Variants in KLRK1 observed in about 807,000 individuals in gnomAD.
KLRK1 encodes the protein NKG2-D type II integral membrane protein.
KLRK1 carries 40 observed loss-of-function variants against 31.3 expected under a neutral mutation model. The ratio of observed to expected loss-of-function variants is 1.28; its 90% CI spans 0.99 to 1.67. The LOEUF is 1.67. KLRK1 is among the 40% of genes most tolerant of loss of function. KLRK1 has a pLI of 0.00. For missense variants in KLRK1, 251 were observed against 260.0 expected (o/e 0.97, Z 0.24); for synonymous variants, 77 against 77.3 (o/e 1.00, Z 0.02).
In KLRK1 at chr12:10,380,734, C is replaced by T. The variant is rs557542070; in HGVS notation, c.149-942G>A. Among the ~76,000 whole-genome samples the T allele has an allele frequency of 1.9e-4, 29 of 152,290 alleles. No individual in the cohort carries two copies. The South Asian group carries it at 2.9e-3, about 15-fold the overall frequency. ...GTATAGGAGAGCTCCACATTCCTCACGATCCCTGAGTCCAGTATAGGGAGT... is the reference window on the plus strand; with the variant it reads ...GTATAGGAGAGCTCCACATTCCTCATGATCCCTGAGTCCAGTATAGGGAGT... On this transcript the variant is annotated intron_variant, in intron 3 of 7. Coordinates refer to ENST00000240618, the MANE Select transcript of KLRK1 (RefSeq NM_007360.4).
intron 5 of KLRK1, 67 bp from the exon 6 acceptor site, chr12:10,378,772 A>G: frequency 6.7e-7 from 1 of 1,496,040 alleles, no homozygotes; most frequent in South Asian, 1.4e-5. Context: ...TGTCTAGACA[A>G]ATTAAATGCC....
intron 7 of KLRK1, among the ~76,000 whole-genome samples, chr12:10,375,102 CTGGGG>C (rs1364825981): frequency 6.6e-6 from 1 of 152,058 alleles, no homozygotes; most frequent in Admixed American, 6.5e-5. Context: ...CTAAGGTATA[CTGGGG>C]CTTCCAAATT....
In KLRK1 at chr12:10,379,791, T is replaced by C; in HGVS notation, c.150A>G (p.Ala50=). 1 of 1,610,252 alleles carries C rather than the reference T, an allele frequency of 6.2e-7. No homozygotes were observed. The highest frequency in any genetic ancestry group is 8.5e-7 in the Non-Finnish European group (1 of 1,178,354). Residue 50 remains alanine (A), a splice_region_variant and synonymous_variant, in exon 4 of 8, where the codon GCA becomes GCG. Transcript: ENST00000240618. ...TGAAGCAGCAGAAAAAAAATGGAGA[T>C]GCTGTCAAAGAAAAAAGACACAGAT... The part of the protein sequence containing the change: ...PVVKSKCREN[A]SPFFFCCFIA...
Position 10,373,026 on chromosome 12 carries a change from G to C in KLRK1, c.*88C>G. On this transcript the variant is annotated 3_prime_UTR_variant, in exon 8 of 8. Transcript: ENST00000240618. The stretch of plus-strand genomic sequence containing the variant: ...TCTTTGGTCATTTTGTCCTGTTTTT[G>C]TTTGTTTCCTTTAGTCTCAGTTGGC... The C allele has an allele frequency of 8.4e-7, 1 of 1,192,644 alleles. No homozygotes were observed. The highest frequency in any genetic ancestry group is 1.2e-6 in the Non-Finnish European group (1 of 824,744). 73.9% of individuals were successfully genotyped at this position (1,192,644 alleles called of 1,614,324 possible). A position where few individuals can be genotyped will look rare whatever the true frequency, so the allele number is the denominator to read the frequency against.
rs748107127 is a variant in KLRK1, at chr12:10,378,207, T to C, written c.458A>G (p.His153Arg). Residue 153 changes from histidine to arginine, a missense_variant, in exon 7 of 8, where the codon CAT becomes CGT. His to Arg is a conservative substitution (Grantham distance 29). Transcript: ENST00000240618. Reference protein sequence around the residue: ...QDLLKLVKSYHWMGLVHIPTN... With the variant: ...QDLLKLVKSYRWMGLVHIPTN... ...TGGAATGTGTACTAGTCCCATCCAA[T>C]GATATGACTTCACCAGTTTAAGTAA... 6 of 1,613,822 alleles carry C rather than the reference T, an allele frequency of 3.7e-6. No individual in the cohort carries two copies. In the South Asian group the frequency reaches 6.6e-5, roughly 18 times the overall value.
In KLRK1 at chr12:10,373,131, T is replaced by A; in HGVS notation, c.634A>T (p.Met212Leu). The stretch of plus-strand genomic sequence containing the variant: ...GATCATCTTTACACAGTCCTTTGCA[T>A]GCAGATGTACGTATTTGGAGTTGAA... ...NCSTPNTYICMQRTV is the reference protein window; with the variant it reads ...NCSTPNTYICLQRTV The change falls in exon 8 of 8, where the codon ATG (methionine) becomes TTG (leucine). Residue 212 changes from methionine to leucine, a missense_variant. Coordinates refer to ENST00000240618, the MANE Select transcript of KLRK1 (RefSeq NM_007360.4). The A allele has an allele frequency of 6.2e-7, 1 of 1,612,700 alleles. No individual in the cohort carries two copies. Among genetic ancestry groups the A allele is most frequent in the Non-Finnish European group, 8.5e-7 (1 of 1,179,474 alleles).
rs1862896101 is a variant in KLRK1, at chr12:10,373,223, AT to A, written c.541del (p.Ile181Ter). 2 of 1,594,390 alleles carry A rather than the reference AT, an allele frequency of 1.3e-6. No individual in the cohort carries two copies. The highest frequency in any genetic ancestry group is 1.7e-6 in the Non-Finnish European group (2 of 1,174,748). On this transcript the variant is annotated frameshift_variant, in exon 8 of 8. Coordinates refer to ENST00000240618, the MANE Select transcript of KLRK1 (RefSeq NM_007360.4). LOFTEE classifies it high-confidence loss of function. ...GSILSPNLLT[I>X]IEMQKGDCAL... ...ACAGTCTCCCTTCTGCATTTCAATT[AT>A]TGTTAGTCTAGAGGAGAGACAATTA...
intron 7 of KLRK1, chr12:10,373,897 AT>A (rs1175348785): frequency 7.9e-5 from 12 of 152,388 alleles, no homozygotes; most frequent in African/African-American, 2.4e-4. Context: ...TGACAAAAAA[AT>A]AAAAAGATTA....
chr12:10,381,415 G>C (rs1015514813), intron 3 of KLRK1, among the ~76,000 whole-genome samples: 11 of 152,126 alleles, frequency 7.2e-5, no homozygotes, highest in African/African-American at 2.7e-4. Flanking sequence ...CCTATATCTG[G>C]AAGCAAAAGG....
intron 7 of KLRK1, among the ~76,000 whole-genome samples, chr12:10,375,628 AC>A (rs1480984016): frequency 2.0e-5 from 3 of 152,196 alleles, no homozygotes; most frequent in African/African-American, 7.2e-5. Context: ...AATCTAGAGG[AC>A]TTCTGCAATA....
At chr12:10,380,064 T>G (rs1348795313) in intron 3 of KLRK1, among the ~76,000 whole-genome samples, 9 of 133,136 alleles carry the variant, frequency 6.8e-5, no homozygotes, top group African/African-American at 1.9e-4. Flanking sequence ...TTATTGTTTT[T>G]TTTTTTTTTT....
At chr12:10,374,046 C>T (rs1200630694) in intron 7 of KLRK1, 1 of 152,288 alleles carries the variant, frequency 6.6e-6, no homozygotes, top group Non-Finnish European at 1.5e-5. Flanking sequence ...CAGAATCTTG[C>T]TCCGCTGCCA....
chr12:10,376,999 T>C (rs1862980162), intron 7 of KLRK1, among the ~76,000 whole-genome samples: 1 of 152,122 alleles, frequency 6.6e-6, no homozygotes, highest in Non-Finnish European at 1.5e-5. Flanking sequence ...GTATTTTTAG[T>C]AGAGACAGGG....
At position 10,379,790 on chromosome 12, in the gene KLRK1, A is replaced by C. The variant is rs1186779839; in HGVS notation, c.151T>G (p.Ser51Ala). The C allele has an allele frequency of 1.2e-6, 2 of 1,610,654 alleles. No homozygotes were observed. The highest frequency in any genetic ancestry group is 1.7e-6 in the Non-Finnish European group (2 of 1,178,538). Residue 51 changes from serine (S) to alanine (A), a missense_variant and splice_region_variant, in exon 4 of 8, where the codon TCT (serine) becomes GCT (alanine). Transcript: ENST00000240618. ...ATGAAGCAGCAGAAAAAAAATGGAG[A>C]TGCTGTCAAAGAAAAAAGACACAGA... ...VVKSKCRENA[S>A]PFFFCCFIAV...
chr12:10,389,328 G>T (rs1007361817), intron 1 of KLRK1, among the ~76,000 whole-genome samples: 1 of 152,062 alleles, frequency 6.6e-6, no homozygotes, highest in Admixed American at 6.5e-5. Context: ...CTTTTCTAGT[G>T]CATTTTAATC....
At chr12:10,380,793 G>A (rs1483984411) in intron 3 of KLRK1, among the ~76,000 whole-genome samples, 2 of 152,150 alleles carry the variant, frequency 1.3e-5, no homozygotes, top group Non-Finnish European at 2.9e-5. Context: ...TTATTCCAGA[G>A]TGGGAATTCA....
intron 7 of KLRK1, among the ~76,000 whole-genome samples, chr12:10,376,539 A>T (rs1862969849): frequency 1.3e-5 from 2 of 152,170 alleles, no homozygotes; most frequent in African/African-American, 4.8e-5. Flanking sequence ...AAATCATCTC[A>T]CATATTAATA....
intron 3 of KLRK1, among the ~76,000 whole-genome samples, chr12:10,381,228 A>G (rs1345735154): frequency 6.7e-6 from 1 of 150,092 alleles, no homozygotes; most frequent in African/African-American, 2.5e-5. Context: ...CAGGCCAGAA[A>G]AGCATGGGAT....
chr12:10,388,161 C>T (rs1428234282), intron 2 of KLRK1, among the ~76,000 whole-genome samples: 2 of 151,820 alleles, frequency 1.3e-5, no homozygotes, highest in Non-Finnish European at 2.9e-5. Flanking sequence ...ACATTGATTG[C>T]GCATGTAATA....
Sources: allele counts gnomAD v4.1 joint callset (sites outside exome capture counted in the v4.1 genomes callset), GRCh38; gene constraint gnomAD v4.1.1; transcripts MANE v1.5; gene names NCBI Gene and HGNC (gene_info 2026-07-23, HGNC 2026-07-21).